The following RAB38 variants were observed in gnomAD, a reference collection of about 807,000 sequenced individuals.
RAB38 encodes the protein ras-related protein Rab-38.
In RAB38, 15 loss-of-function variants were observed where a neutral mutation model predicts 18.4. The observed-to-expected ratio is 0.82, with a 90% CI of 0.55 to 1.26. The LOEUF (loss-of-function observed/expected upper bound fraction) is 1.26. RAB38 is among the 50% of genes most tolerant of loss of function. The probability of loss-of-function intolerance (pLI) is 0.00; values close to 1 mark genes in which losing one functional copy is unlikely to be tolerated. For missense variants in RAB38, 294 were observed against 267.4 expected, an observed-to-expected ratio of 1.10 and a Z score of -0.69; for synonymous variants, 101 against 104.4, an observed-to-expected ratio of 0.97 and a Z score of 0.20.
At chr11:88,020,342 T>C in the RAB38 span, among the ~76,000 whole-genome samples, 1 of 152,048 alleles carries the variant, frequency 6.6e-6, no homozygotes, top group Non-Finnish European at 1.5e-5. Context: ...ACAAAAACTG[T>C]AAGAAGAGAC....
At chr11:87,856,317 C>T in the RAB38 span, among the ~76,000 whole-genome samples, 2 of 152,266 alleles carry the variant, frequency 1.3e-5, no homozygotes, top group East Asian at 3.9e-4. Flanking sequence ...TACAAACTCT[C>T]TGTCCTATAG....
chr11:87,849,101 C>T, the RAB38 span, among the ~76,000 whole-genome samples: 1 of 152,142 alleles, frequency 6.6e-6, no homozygotes. Flanking sequence ...CCAAAGGGCC[C>T]TGATAAACAT....
At chr11:87,921,880 G>GA in the RAB38 span, among the ~76,000 whole-genome samples, 4 of 151,884 alleles carry the variant, frequency 2.6e-5, no homozygotes, top group African/African-American at 9.7e-5. Flanking sequence ...TGATTAAAGA[G>GA]ATGATCTAGT....
At chr11:87,978,199 G>GTATATATTATATATGAAGATA in the RAB38 span, among the ~76,000 whole-genome samples, 32 of 2,776 alleles carry the variant, frequency 0.012, 1 homozygote, top group African/African-American at 0.014. Flanking sequence ...AAATATATAG[G>GTATATATTATATATGAAGATA]TGTNNNNNNN....
the RAB38 span, among the ~76,000 whole-genome samples, chr11:88,092,755 A>G: frequency 1.3e-5 from 2 of 151,764 alleles, no homozygotes; most frequent in Non-Finnish European, 2.9e-5. Context: ...GTAAATTAAT[A>G]TAAGTACCCT....
At chr11:88,071,677 G>A in the RAB38 span, among the ~76,000 whole-genome samples, 1 of 152,194 alleles carries the variant, frequency 6.6e-6, no homozygotes, top group Admixed American at 6.5e-5. Flanking sequence ...TCAAATCCAT[G>A]ACAAGCCAAG....
the RAB38 span, among the ~76,000 whole-genome samples, chr11:87,854,289 C>T: frequency 7.9e-5 from 12 of 152,256 alleles, no homozygotes; most frequent in Admixed American, 2.0e-4. Flanking sequence ...ATATTCTATA[C>T]AATTTAACTA....
chr11:88,144,455 A>G (rs1335201426), intron 2 of RAB38, among the ~76,000 whole-genome samples: 1 of 152,214 alleles, frequency 6.6e-6, no homozygotes, highest in Non-Finnish European at 1.5e-5. Flanking sequence ...CGAAGATAGC[A>G]AATGTATTTA....
At chr11:88,066,551 A>G in the RAB38 span, among the ~76,000 whole-genome samples, 1 of 152,220 alleles carries the variant, frequency 6.6e-6, no homozygotes, top group Admixed American at 6.5e-5. Flanking sequence ...AAGTATAAAT[A>G]TGAAAACATG....
At chr11:87,940,124 A>T in the RAB38 span, among the ~76,000 whole-genome samples, 1 of 151,774 alleles carries the variant, frequency 6.6e-6, no homozygotes, top group African/African-American at 2.4e-5. Context: ...ATAAGAAAAA[A>T]ATGTAACAGG....
the RAB38 span, among the ~76,000 whole-genome samples, chr11:88,096,853 T>C: frequency 2.6e-5 from 4 of 151,776 alleles, no homozygotes; most frequent in African/African-American, 7.3e-5. Flanking sequence ...TAGAAACTTA[T>C]GTCAAAATGT....
chr11:88,173,942 CCAT>C, intron 1 of RAB38: 2 of 985,408 alleles, frequency 2.0e-6, no homozygotes, highest in Non-Finnish European at 2.4e-6. Flanking sequence ...TAGTTTCAAG[CCAT>C]GATAAAGAGT....
the RAB38 span, among the ~76,000 whole-genome samples, chr11:87,889,991 A>T: frequency 5.9e-5 from 9 of 151,784 alleles, no homozygotes; most frequent in African/African-American, 2.2e-4. Flanking sequence ...TAAATGATAG[A>T]ATATTGTATG....
chr11:87,892,756 G>A, the RAB38 span, among the ~76,000 whole-genome samples: 2 of 151,694 alleles, frequency 1.3e-5, no homozygotes, highest in Non-Finnish European at 3.0e-5. Flanking sequence ...ATTCCGCTCA[G>A]GTACTGTTTC....
chr11:88,076,984 G>GAAAAGAAAAGAAAATA, the RAB38 span, among the ~76,000 whole-genome samples: 1 of 63,672 alleles, frequency 1.6e-5, no homozygotes, highest in Non-Finnish European at 2.7e-5. Context: ...AAGAAAGAAA[G>GAAAAGAAAAGAAAATA]AAAGAAAAGA....
At chr11:88,056,682 T>C in the RAB38 span, among the ~76,000 whole-genome samples, 1 of 151,920 alleles carries the variant, frequency 6.6e-6, no homozygotes, top group Non-Finnish European at 1.5e-5. Flanking sequence ...TGGGCGCCTG[T>C]AGTCCCAGCT....
the RAB38 span, among the ~76,000 whole-genome samples, chr11:88,079,424 T>C: frequency 4.0e-5 from 6 of 151,834 alleles, no homozygotes; most frequent in East Asian, 5.8e-4. Context: ...CAATTTTAAG[T>C]AAAAATCTAC....
chr11:87,854,761 C>T, the RAB38 span, among the ~76,000 whole-genome samples: 6 of 151,922 alleles, frequency 3.9e-5, no homozygotes, highest in South Asian at 6.2e-4. Context: ...AATTTTATTC[C>T]GAAGACATTT....
At chr11:88,141,785 C>T (rs1383867381) in intron 2 of RAB38, among the ~76,000 whole-genome samples, 5 of 152,216 alleles carry the variant, frequency 3.3e-5, no homozygotes, top group Admixed American at 2.6e-4. Flanking sequence ...ATGCCTTTCA[C>T]GTGCTGTTTC....
Sources: allele counts gnomAD v4.1 joint callset (sites outside exome capture counted in the v4.1 genomes callset), GRCh38; gene constraint gnomAD v4.1.1; transcripts MANE v1.5; gene names NCBI Gene and HGNC (gene_info 2026-07-23, HGNC 2026-07-21).